Variants in HOOK1 observed in about 807,000 individuals in gnomAD.
HOOK1 encodes the protein hook microtubule tethering protein 1, also known as protein Hook homolog 1.
Under a neutral mutation model 112.8 loss-of-function variants are expected in HOOK1, and 60 were observed. That is an observed-to-expected ratio of 0.53 (90% CI 0.43 to 0.66). The LOEUF is 0.66. Ranked by LOEUF, HOOK1 falls within the 30% of genes least tolerant of loss-of-function variation. The pLI is 0.00. For synonymous variants in HOOK1, 294 were observed against 283.8 expected (o/e 1.04, Z -0.36); for missense variants, 770 against 856.0 (o/e 0.90, Z 1.25).
chr1:59,864,753 T>G, intron 17 of HOOK1, 87 bp downstream of exon 17: 1 of 859,182 alleles, frequency 1.2e-6, no homozygotes, highest in Non-Finnish European at 1.9e-6. Flanking sequence ...GGATTTTGTC[T>G]AGAAAAGCAA....
At chr1:59,831,593 T>C (rs1220597627) in intron 3 of HOOK1, among the ~76,000 whole-genome samples, 4 of 152,222 alleles carry the variant, frequency 2.6e-5, no homozygotes, top group Non-Finnish European at 5.9e-5. Context: ...ATCGTCTGCC[T>C]TGCAAATTCA....
Position 59,814,983 on chromosome 1 carries a change from C to G in HOOK1, c.-135C>G. On this transcript the variant is annotated 5_prime_UTR_variant, in exon 1 of 22. Transcript: ENST00000371208. The stretch of plus-strand genomic sequence containing the variant: ...GACGCGTCGACAGCGCGAGGGTTCG[C>G]GCGTGAGCTGCGCGGGTCGGGCCTG... 1.2e-6 allele frequency: 1 copy of G among 858,124 alleles called. No homozygotes were observed. The highest frequency in any genetic ancestry group is 1.8e-6 in the Non-Finnish European group (1 of 555,268). The allele number at this position is 858,124 out of a possible 1,614,324, so 53.2% of individuals were successfully genotyped here. A position where few individuals can be genotyped will look rare whatever the true frequency, so the allele number is the denominator to read the frequency against.
intron 5 of HOOK1, among the ~76,000 whole-genome samples, chr1:59,834,642 A>G (rs531151476): frequency 6.6e-6 from 1 of 152,268 alleles, no homozygotes; most frequent in South Asian, 2.1e-4. Flanking sequence ...TAATTTATTT[A>G]TAAATCTAGT....
intron 9 of HOOK1, among the ~76,000 whole-genome samples, chr1:59,845,781 G>A (rs1479350905): frequency 3.3e-5 from 5 of 151,830 alleles, no homozygotes; most frequent in Admixed American, 6.6e-5. Flanking sequence ...TAATTTGAAA[G>A]AATTTTTATA....
At chr1:59,854,024 ATATATATATATATATTTTTTTTTTTT>A (rs1436216081) in intron 12 of HOOK1, among the ~76,000 whole-genome samples, 5 of 21,266 alleles carry the variant, frequency 2.4e-4, no homozygotes, top group African/African-American at 1.1e-3. Context: ...ATATATATAT[ATATATATATATATATTTTTTTTTTTT>A]TTTTTTTTTT....
At chr1:59,860,449 TTAATA>T (rs1415421898) in intron 15 of HOOK1, 121 bp downstream of exon 15, 2 of 870,220 alleles carry the variant, frequency 2.3e-6, no homozygotes, top group African/African-American at 3.5e-5. Context: ...TAGAAATAGT[TTAATA>T]TTTTTGTTAG....
chr1:59,822,175 A>T (rs1574172822), intron 2 of HOOK1, among the ~76,000 whole-genome samples: 2 of 152,132 alleles, frequency 1.3e-5, no homozygotes, highest in Non-Finnish European at 2.9e-5. Flanking sequence ...CAGGATTCTT[A>T]TTTATTCAAG....
At chr1:59,841,974 G>A (rs767320402) in intron 8 of HOOK1, among the ~76,000 whole-genome samples, 7 of 152,102 alleles carry the variant, frequency 4.6e-5, no homozygotes, top group Non-Finnish European at 1.0e-4. Context: ...GTGGGAACAA[G>A]GAATGTGCCT....
chr1:59,854,741 A>C (rs1352897203), intron 12 of HOOK1, among the ~76,000 whole-genome samples: 2 of 152,178 alleles, frequency 1.3e-5, no homozygotes, highest in African/African-American at 4.8e-5. Flanking sequence ...GGCTTTCAGC[A>C]GTTTGACTTT....
At chr1:59,854,187 G>A (rs539607048) in intron 12 of HOOK1, among the ~76,000 whole-genome samples, 1 of 150,204 alleles carries the variant, frequency 6.7e-6, no homozygotes, top group African/African-American at 2.4e-5. Flanking sequence ...GAGTAGCTGG[G>A]ATTACAGGCG....
intron 8 of HOOK1, among the ~76,000 whole-genome samples, chr1:59,841,191 T>A (rs1490722724): frequency 1.3e-5 from 2 of 152,188 alleles, no homozygotes; most frequent in Non-Finnish European, 2.9e-5. Flanking sequence ...GTGCATATTA[T>A]GCAATTAGTC....
intron 20 of HOOK1, among the ~76,000 whole-genome samples, chr1:59,868,603 T>A (rs529532457): frequency 6.6e-6 from 1 of 152,368 alleles, no homozygotes; most frequent in Admixed American, 6.5e-5. Flanking sequence ...TATATGGCTA[T>A]CCCTGACTTT....
intron 2 of HOOK1, among the ~76,000 whole-genome samples, chr1:59,825,920 A>G (rs2098389552): frequency 6.6e-6 from 1 of 152,230 alleles, no homozygotes; most frequent in African/African-American, 2.4e-5. Flanking sequence ...ACATCTATCC[A>G]TGGACATACT....
At chr1:59,863,784 T>C in intron 16 of HOOK1, 1 of 775,152 alleles carries the variant, frequency 1.3e-6, no homozygotes, top group Non-Finnish European at 1.5e-6. Flanking sequence ...ATGTGCTTTA[T>C]ATTATTTTCT....
At chr1:59,854,985 TG>T (rs2098409738) in intron 12 of HOOK1, among the ~76,000 whole-genome samples, 1 of 152,136 alleles carries the variant, frequency 6.6e-6, no homozygotes, top group East Asian at 1.9e-4. Context: ...GCCAGTGAGG[TG>T]TCCTAATGGA....
intron 1 of HOOK1, among the ~76,000 whole-genome samples, chr1:59,819,800 G>A (rs1257905071): frequency 1.3e-5 from 2 of 152,204 alleles, no homozygotes; most frequent in Admixed American, 1.3e-4. Flanking sequence ...AAAAGTGGAA[G>A]TCACAGTTTA....
intron 12 of HOOK1, among the ~76,000 whole-genome samples, chr1:59,856,083 G>A (rs2102059053): frequency 7.5e-6 from 1 of 132,534 alleles, no homozygotes; most frequent in East Asian, 2.2e-4. Flanking sequence ...GCCTCCCATA[G>A]TGAATTGTTT....
chr1:59,838,857 C>T (rs1210929159), intron 7 of HOOK1, among the ~76,000 whole-genome samples: 2 of 152,140 alleles, frequency 1.3e-5, no homozygotes, highest in African/African-American at 2.4e-5. Context: ...TTTGATCCAT[C>T]TTGAGTTGAT....
chr1:59,816,074 T>G (rs1047711763), intron 1 of HOOK1, among the ~76,000 whole-genome samples: 1 of 152,178 alleles, frequency 6.6e-6, no homozygotes, highest in African/African-American at 2.4e-5. Context: ...GTGCTGTTGA[T>G]GATGCTCATC....
Sources: allele counts gnomAD v4.1 joint callset (sites outside exome capture counted in the v4.1 genomes callset), GRCh38; gene constraint gnomAD v4.1.1; transcripts MANE v1.5; gene names NCBI Gene and HGNC (gene_info 2026-07-23, HGNC 2026-07-21).